Variants in PTN observed in about 807,000 individuals in gnomAD.
PTN encodes heparin affin regulatory protein.
PTN carries 18 observed loss-of-function variants against 24.1 expected under a neutral mutation model. That is an observed-to-expected ratio of 0.75 (90% CI 0.52 to 1.11). The LOEUF is 1.11. PTN is among the 50% of genes least tolerant of loss of function. PTN has a pLI of 0.00. For synonymous variants in PTN, 78 were observed against 68.6 expected (o/e 1.14, Z -0.67); for missense variants, 163 against 198.8 (o/e 0.82, Z 1.08).
intron 1 of PTN, among the ~76,000 whole-genome samples, chr7:137,322,250 A>G (rs1810175504): frequency 6.6e-6 from 1 of 152,236 alleles, no homozygotes; most frequent in Non-Finnish European, 1.5e-5. Context: ...GAAGAATAAC[A>G]TGTGGGCATT....
At chr7:137,247,612 T>C (rs1187876664) in intron 4 of PTN, among the ~76,000 whole-genome samples, 1 of 152,156 alleles carries the variant, frequency 6.6e-6, no homozygotes, top group Non-Finnish European at 1.5e-5. Context: ...GGTGACTATA[T>C]AGTCAATAAT....
intron 1 of PTN, among the ~76,000 whole-genome samples, chr7:137,290,476 T>A (rs1345921268): frequency 6.6e-6 from 1 of 152,140 alleles, no homozygotes; most frequent in African/African-American, 2.4e-5. Context: ...TAGTAGTAGG[T>A]TCATCAAATT....
intron 1 of PTN, among the ~76,000 whole-genome samples, chr7:137,279,104 T>C (rs1441208477): frequency 6.6e-6 from 1 of 151,588 alleles, no homozygotes; most frequent in Non-Finnish European, 1.5e-5. Flanking sequence ...CCTGAAAACA[T>C]ATTACAAGAA....
chr7:137,294,547 C>G (rs763803272), intron 1 of PTN, among the ~76,000 whole-genome samples: 2 of 152,104 alleles, frequency 1.3e-5, no homozygotes, highest in Non-Finnish European at 2.9e-5. Flanking sequence ...GAATCACCTA[C>G]TCCCTACCAG....
At position 137,228,055 on chromosome 7, in the gene PTN, T is replaced by C. The variant is rs1351108221; in HGVS notation, c.472A>G (p.Lys158Glu). ...ATCTTCTCCTGTTTCTTGCCTTCCT[T>C]TTTCTTCTTCTTAGATTCTGCTGTG... ...KPQAESKKKK[K>E]EGKKQEKMLD is the part of the protein sequence containing the mutation. The change falls in exon 5 of 5, where the codon AAG (lysine) becomes GAG (glutamate). Residue 158 changes from lysine (K) to glutamate (E), a missense_variant. Physicochemically the swap from Lys to Glu is moderately conservative, Grantham distance 56. Transcript: ENST00000348225. 2 of 1,597,598 alleles carry C rather than the reference T, an allele frequency of 1.3e-6. No individual in the cohort carries two copies. Among genetic ancestry groups the C allele is most frequent in the Non-Finnish European group, 8.6e-7 (1 of 1,166,832 alleles).
chr7:137,316,966 T>G (rs1810083429), intron 1 of PTN, among the ~76,000 whole-genome samples: 11 of 152,158 alleles, frequency 7.2e-5, no homozygotes, highest in Admixed American at 7.2e-4. Context: ...AATTAACTGC[T>G]TTGTCTGTCC....
At chr7:137,273,446 G>A (rs1280079360) in intron 1 of PTN, among the ~76,000 whole-genome samples, 1 of 152,182 alleles carries the variant, frequency 6.6e-6, no homozygotes, top group Non-Finnish European at 1.5e-5. Flanking sequence ...CATGGCTGGG[G>A]AAGCTGCAGG....
chr7:137,308,533 C>T (rs796318145), intron 1 of PTN, among the ~76,000 whole-genome samples: 4 of 152,236 alleles, frequency 2.6e-5, no homozygotes, highest in African/African-American at 9.6e-5. Context: ...TAGATTCTGC[C>T]AGGCTGCTAT....
At chr7:137,271,443 A>T (rs1173343240) in intron 1 of PTN, among the ~76,000 whole-genome samples, 1 of 152,200 alleles carries the variant, frequency 6.6e-6, no homozygotes, top group Non-Finnish European at 1.5e-5. Flanking sequence ...TTCTACTTCA[A>T]ATTCATCTCT....
chr7:137,247,646 A>G (rs755576894), intron 4 of PTN, among the ~76,000 whole-genome samples: 4 of 152,200 alleles, frequency 2.6e-5, no homozygotes. Flanking sequence ...AAAATAACGC[A>G]AAGAGTGTGA....
chr7:137,339,981 C>T (rs1200574455), intron 1 of PTN, among the ~76,000 whole-genome samples: 3 of 151,980 alleles, frequency 2.0e-5, no homozygotes, highest in African/African-American at 4.8e-5. Flanking sequence ...TAATATACAG[C>T]GCTTGATTTT....
At chr7:137,339,012 A>G (rs1810492066) in intron 1 of PTN, among the ~76,000 whole-genome samples, 1 of 152,018 alleles carries the variant, frequency 6.6e-6, no homozygotes, top group African/African-American at 2.4e-5. Flanking sequence ...ATAAATGTAC[A>G]CATTTGGAAG....
chr7:137,280,697 TACAAAAA>T, intron 1 of PTN, among the ~76,000 whole-genome samples: 1 of 10,652 alleles, frequency 9.4e-5, no homozygotes, highest in Non-Finnish European at 2.2e-4. Flanking sequence ...CTACTAAAAA[TACAAAAA>T]AAAAAAAAAA....
chr7:137,271,738 C>T lies in PTN; in HGVS notation c.-1-16764G>A, dbSNP rs574862739. On this transcript the variant is annotated intron_variant, in intron 1 of 4. Coordinates refer to ENST00000348225, the MANE Select transcript of PTN (RefSeq NM_002825.7). ...TCCTTTTCAAGTCTATCTGCTGCAACGTGGTATAGGGGAGCAAATAAGAGT... is the reference window on the plus strand; with the variant it reads ...TCCTTTTCAAGTCTATCTGCTGCAATGTGGTATAGGGGAGCAAATAAGAGT... 5.3e-5 allele frequency among the ~76,000 whole-genome samples: 8 copies of T among 152,292 alleles called. No homozygotes were observed. The South Asian group carries it at 1.0e-3, about 20-fold the overall frequency.
intron 1 of PTN, among the ~76,000 whole-genome samples, chr7:137,271,691 GAATT>G (rs1395302991): frequency 6.6e-6 from 1 of 152,120 alleles, no homozygotes; most frequent in South Asian, 2.1e-4. Context: ...GAGAATCACA[GAATT>G]GTTTAGTTTC....
At chr7:137,283,126 G>A (rs1446454762) in intron 1 of PTN, among the ~76,000 whole-genome samples, 1 of 151,802 alleles carries the variant, frequency 6.6e-6, no homozygotes, top group Non-Finnish European at 1.5e-5. Context: ...CACACTGCTA[G>A]GAAGTGTCCA....
At chr7:137,268,080 G>A (rs892642850) in intron 1 of PTN, among the ~76,000 whole-genome samples, 7 of 152,196 alleles carry the variant, frequency 4.6e-5, no homozygotes, top group Middle Eastern at 6.8e-3. Context: ...TAGTCTTACC[G>A]AGTTTGAGAC....
intron 1 of PTN, among the ~76,000 whole-genome samples, chr7:137,318,150 C>T (rs1224219408): frequency 1.3e-5 from 2 of 152,202 alleles, no homozygotes; most frequent in African/African-American, 4.8e-5. Context: ...TGCCTGTAAT[C>T]CCAGCTACTT....
intron 1 of PTN, among the ~76,000 whole-genome samples, chr7:137,322,581 T>G: frequency 6.6e-6 from 1 of 152,146 alleles, no homozygotes. Flanking sequence ...ATAGAAAAAT[T>G]AAAATATTGT....
Sources: allele counts gnomAD v4.1 joint callset (sites outside exome capture counted in the v4.1 genomes callset), GRCh38; gene constraint gnomAD v4.1.1; transcripts MANE v1.5; gene names NCBI Gene and HGNC (gene_info 2026-07-23, HGNC 2026-07-21).